GABRB1: variants seen among roughly 807,000 people sequenced by gnomAD.
GABRB1 encodes the protein gamma-aminobutyric acid receptor subunit beta-1.
A neutral mutation model predicts 51.6 loss-of-function variants in GABRB1; 17 were observed. That is an observed-to-expected ratio of 0.33 (90% CI 0.23 to 0.49). The LOEUF is 0.49. Ranked by LOEUF, GABRB1 falls within the 20% of genes least tolerant of loss-of-function variation. The probability of loss-of-function intolerance (pLI) is 0.99; values close to 1 mark genes in which losing one functional copy is unlikely to be tolerated. For synonymous variants in GABRB1, 247 were observed against 218.9 expected (o/e 1.13, Z -1.14); for missense variants, 410 against 600.6 (o/e 0.68, Z 3.32).
At chr4:47,278,289 T>A (rs573356394) in intron 4 of GABRB1, among the ~76,000 whole-genome samples, 1 of 152,208 alleles carries the variant, frequency 6.6e-6, no homozygotes, top group East Asian at 1.9e-4. Context: ...ATTGTTTATA[T>A]ATAATTGTCA....
intron 3 of GABRB1, among the ~76,000 whole-genome samples, chr4:47,058,953 T>C (rs946386925): frequency 2.0e-5 from 3 of 152,228 alleles, no homozygotes; most frequent in African/African-American, 7.2e-5. Flanking sequence ...TGGTGGTTTA[T>C]ACTAATAATC....
chr4:46,997,729 T>A (rs1397840084), intron 1 of GABRB1, among the ~76,000 whole-genome samples: 2 of 148,872 alleles, frequency 1.3e-5, no homozygotes, highest in Non-Finnish European at 3.0e-5. Context: ...TGTATATATA[T>A]GTATGCACAC....
intron 3 of GABRB1, among the ~76,000 whole-genome samples, chr4:47,132,714 T>A (rs1298733101): frequency 6.6e-6 from 1 of 152,238 alleles, no homozygotes; most frequent in African/African-American, 2.4e-5. Context: ...GGGTATTTGA[T>A]GAAGCTGGAA....
At chr4:47,041,157 A>G (rs1001931038) in intron 3 of GABRB1, among the ~76,000 whole-genome samples, 1 of 152,100 alleles carries the variant, frequency 6.6e-6, no homozygotes, top group Admixed American at 6.6e-5. Flanking sequence ...AGGCAGGGCA[A>G]ATGAGGCTGA....
At chr4:47,205,594 G>A (rs1302285877) in intron 4 of GABRB1, among the ~76,000 whole-genome samples, 1 of 152,100 alleles carries the variant, frequency 6.6e-6, no homozygotes, top group East Asian at 1.9e-4. Context: ...TAGTTCTGTA[G>A]GTCATGCTCT....
chr4:47,046,936 A>G (rs974974414), intron 3 of GABRB1, among the ~76,000 whole-genome samples: 16 of 152,122 alleles, frequency 1.1e-4, no homozygotes, highest in African/African-American at 3.9e-4. Context: ...GTGCCAGCTA[A>G]ACGATGAAAT....
At chr4:47,116,047 GT>G (rs1011413730) in intron 3 of GABRB1, among the ~76,000 whole-genome samples, 2 of 152,098 alleles carry the variant, frequency 1.3e-5, no homozygotes, top group Admixed American at 1.3e-4. Context: ...TTGGTGTTTT[GT>G]TTTGTTAATT....
At chr4:47,383,306 T>C (rs1007696707) in intron 5 of GABRB1, among the ~76,000 whole-genome samples, 1 of 152,210 alleles carries the variant, frequency 6.6e-6, no homozygotes, top group African/African-American at 2.4e-5. Context: ...AAGAGCTTGG[T>C]AGAATATGAT....
At chr4:47,333,436 C>T (rs777715222) in intron 5 of GABRB1, among the ~76,000 whole-genome samples, 22 of 151,906 alleles carry the variant, frequency 1.4e-4, no homozygotes, top group Non-Finnish European at 2.8e-4. Flanking sequence ...CTTCTCAGGC[C>T]GGGCACAGTG....
intron 3 of GABRB1, among the ~76,000 whole-genome samples, chr4:47,093,788 T>C (rs1239297954): frequency 6.6e-6 from 1 of 152,228 alleles, no homozygotes; most frequent in East Asian, 1.9e-4. Flanking sequence ...CAAATTATTA[T>C]GGCAAAATCT....
chr4:47,323,345 T>C (rs12511526), intron 5 of GABRB1, among the ~76,000 whole-genome samples: 31 of 152,322 alleles, frequency 2.0e-4, no homozygotes, highest in Admixed American at 4.6e-4. Flanking sequence ...ATGTTAAGAA[T>C]AATAATTTTA....
intron 3 of GABRB1, among the ~76,000 whole-genome samples, chr4:47,069,744 T>C (rs1577878690): frequency 6.6e-6 from 1 of 152,168 alleles, no homozygotes; most frequent in Non-Finnish European, 1.5e-5. Context: ...CTCCTTTTCT[T>C]TTCTCATTTG....
intron 5 of GABRB1, among the ~76,000 whole-genome samples, chr4:47,346,283 A>C (rs1010087457): frequency 6.6e-6 from 1 of 152,210 alleles, no homozygotes; most frequent in Non-Finnish European, 1.5e-5. Flanking sequence ...AATGAAAAAT[A>C]GAAAACTCTA....
At position 47,016,560 on chromosome 4, in the gene GABRB1, A is replaced by ATTATTTATTTAT. The variant is rs559278924; in HGVS notation, c.-19-15337_-19-15326dup. On this transcript the variant is annotated intron_variant, in intron 1 of 3. Transcript: ENST00000513567. ...GGTGACAAAATTTCTATCTGTGCAG[A>ATTATTTATTTAT]TTATTTATTTATTTATTTATTTATT... Among the ~76,000 whole-genome samples, 745 of 151,684 alleles carry ATTATTTATTTAT rather than the reference A, an allele frequency of 4.9e-3. 9 individuals are homozygous for ATTATTTATTTAT. The highest frequency in any genetic ancestry group is 0.016 in the African/African-American group (681 of 41,360).
intron 4 of GABRB1, among the ~76,000 whole-genome samples, chr4:47,231,353 T>C (rs1721136270): frequency 6.6e-6 from 1 of 152,212 alleles, no homozygotes; most frequent in Admixed American, 6.5e-5. Context: ...TTGATTTCTT[T>C]GAGCCTTTAT....
chr4:47,072,906 A>T (rs892418501), intron 3 of GABRB1, among the ~76,000 whole-genome samples: 1 of 152,194 alleles, frequency 6.6e-6, no homozygotes, highest in Non-Finnish European at 1.5e-5. Flanking sequence ...TGTGACTTTA[A>T]GCATTGACAA....
In GABRB1 at chr4:47,089,394, C is replaced by T. The variant is rs369760665; in HGVS notation, c.240+56910C>T. On this transcript the variant is annotated intron_variant, in intron 3 of 8. Coordinates refer to ENST00000295454, the MANE Select transcript of GABRB1 (RefSeq NM_000812.4). ...TCTAGTCCAGCTCTGCCTCAAAGTG[C>T]CAGTTTAAAGTGGTCTATGTGTCAA... 1.0e-3 allele frequency among the ~76,000 whole-genome samples: 152 copies of T among 152,252 alleles called. 3 individuals are homozygous for T. In the South Asian group the frequency reaches 0.029, roughly 29 times the overall value.
intron 4 of GABRB1, among the ~76,000 whole-genome samples, chr4:47,241,081 A>T (rs1241181637): frequency 6.6e-6 from 1 of 152,176 alleles, no homozygotes; most frequent in Non-Finnish European, 1.5e-5. Flanking sequence ...TTTCCAATTC[A>T]GAAATCTGGT....
intron 8 of GABRB1, among the ~76,000 whole-genome samples, chr4:47,420,504 T>A (rs1221795783): frequency 6.6e-6 from 1 of 152,196 alleles, no homozygotes; most frequent in African/African-American, 2.4e-5. Context: ...ACAATTTTAA[T>A]TTGCCTCACT....
Sources: allele counts gnomAD v4.1 joint callset (sites outside exome capture counted in the v4.1 genomes callset), GRCh38; gene constraint gnomAD v4.1.1; transcripts MANE v1.5; gene names NCBI Gene and HGNC (gene_info 2026-07-23, HGNC 2026-07-21).